CSPP1: variants seen among roughly 807,000 people sequenced by gnomAD.
CSPP1 encodes centrosome and spindle pole associated protein 1.
Under a neutral mutation model 164.4 loss-of-function variants are expected in CSPP1, and 126 were observed. The ratio of observed to expected loss-of-function variants is 0.77; its 90% CI spans 0.66 to 0.89. The LOEUF (loss-of-function observed/expected upper bound fraction) is 0.89. Among genes scored for constraint, CSPP1 ranks in the 40% least tolerant of loss-of-function variants. CSPP1 has a pLI of 0.00. For missense variants in CSPP1, 1,395 were observed against 1,449.8 expected (o/e 0.96, Z 0.61); for synonymous variants, 472 against 476.7 (o/e 0.99, Z 0.13).
At chr8:67,164,805 G>A (rs1361682320) in intron 24 of CSPP1, among the ~76,000 whole-genome samples, 2 of 152,120 alleles carry the variant, frequency 1.3e-5, no homozygotes, top group Non-Finnish European at 2.9e-5. Flanking sequence ...ACAAAATCAC[G>A]TACGGGCTAC....
At chr8:67,136,486 G>A (rs531734341) in intron 16 of CSPP1, among the ~76,000 whole-genome samples, 15 of 149,996 alleles carry the variant, frequency 1.0e-4, no homozygotes, top group Admixed American at 3.3e-4. Flanking sequence ...GGAGAATGGC[G>A]TGAACCCGGG....
chr8:67,081,245 A>G (rs1047390560), intron 3 of CSPP1: 2 of 132,580 alleles, frequency 1.5e-5, no homozygotes, highest in Non-Finnish European at 3.1e-5. Flanking sequence ...TTGTTCGTGT[A>G]AACTATTAGG....
chr8:67,161,873 A>G lies in CSPP1; in HGVS notation c.2601A>G (p.Gln867=). 2.5e-6 allele frequency: 4 copies of G among 1,613,536 alleles called. No homozygotes were observed. The highest frequency in any genetic ancestry group is 3.4e-6 in the Non-Finnish European group (4 of 1,179,592). ...AGAACAAAATTGCAAGCAAACTCCA[A>G]AGACCTCCTTCAGTTGACAGCATCA... ...ALQNKIASKL[Q]RPPSVDSIIR... Residue 867 remains glutamine (Q), a synonymous_variant, in exon 22 of 31, where the codon CAA becomes CAG. Coordinates refer to ENST00000678616, the MANE Select transcript of CSPP1 (RefSeq NM_001382391.1).
intron 1 of CSPP1, among the ~76,000 whole-genome samples, chr8:67,070,774 G>A (rs752650976): frequency 6.6e-6 from 1 of 150,590 alleles, no homozygotes; most frequent in East Asian, 1.9e-4. Context: ...TTGAGATGGG[G>A]TCTTGCTCTG....
In CSPP1 at chr8:67,103,140, A is replaced by G. The variant is rs797045503; in HGVS notation, c.1022+5A>G. 2.6e-6 allele frequency: 4 copies of G among 1,514,632 alleles called. No homozygotes were observed. The highest frequency in any genetic ancestry group is 3.7e-6 in the Non-Finnish European group (4 of 1,090,692). The allele number at this position is 1,514,632 out of a possible 1,614,324, so 93.8% of individuals were successfully genotyped here. Reference sequence around the variant, plus strand: ...TTCATCTGCTGAAAATAAAAGGTACAGTATGTAATATAAATTCTCTGCTTT... The same window carrying G: ...TTCATCTGCTGAAAATAAAAGGTACGGTATGTAATATAAATTCTCTGCTTT... On this transcript the variant is annotated splice_donor_5th_base_variant and intron_variant, in intron 8 of 30. Coordinates refer to ENST00000678616, the MANE Select transcript of CSPP1 (RefSeq NM_001382391.1).
chr8:67,151,747 C>G (rs1266067752), intron 18 of CSPP1, among the ~76,000 whole-genome samples: 1 of 152,020 alleles, frequency 6.6e-6, no homozygotes, highest in African/African-American at 2.4e-5. Flanking sequence ...TTTAAAACTT[C>G]CTTTTTTTTG....
At chr8:67,155,961 G>A (rs1158891406) in intron 19 of CSPP1, among the ~76,000 whole-genome samples, 2 of 152,108 alleles carry the variant, frequency 1.3e-5, no homozygotes, top group Non-Finnish European at 2.9e-5. Flanking sequence ...CCAATATTGT[G>A]CACTCAAGTC....
At chr8:67,182,829 GTTTT>G (rs979324978) in intron 28 of CSPP1, among the ~76,000 whole-genome samples, 7 of 152,102 alleles carry the variant, frequency 4.6e-5, no homozygotes, top group African/African-American at 1.2e-4. Flanking sequence ...TAAAATCAGA[GTTTT>G]TTTGTTATTG....
chr8:67,115,781 CTT>C (rs1817816260), intron 12 of CSPP1, 131 bp from the exon 13 acceptor site: 1 of 603,302 alleles, frequency 1.7e-6, no homozygotes, highest in Non-Finnish European at 2.9e-6. Context: ...TATTCAGAGT[CTT>C]TTATAGCTGT....
intron 21 of CSPP1, among the ~76,000 whole-genome samples, chr8:67,160,032 T>TTTTTTC (rs1827993036): frequency 1.1e-5 from 1 of 88,200 alleles, no homozygotes; most frequent in Non-Finnish European, 2.0e-5. Context: ...TTTTCTTTTC[T>TTTTTTC]TTTTCTTTTT....
At chr8:67,085,965 G>T in intron 3 of CSPP1, 42 bp from the exon 4 acceptor site, 2 of 836,946 alleles carry the variant, frequency 2.4e-6, no homozygotes, top group Admixed American at 3.5e-5. Flanking sequence ...CTTTGAGATT[G>T]GTTTGAAAAT....
intron 5 of CSPP1, among the ~76,000 whole-genome samples, chr8:67,093,204 T>C (rs1259331049): frequency 6.6e-6 from 1 of 152,224 alleles, no homozygotes; most frequent in Non-Finnish European, 1.5e-5. Context: ...GAAAATGTCA[T>C]CTAAGCTCTG....
Position 67,120,350 on chromosome 8 carries a change from C to T in CSPP1, c.1697+1529C>T, listed in dbSNP as rs1228073153. Among the ~76,000 whole-genome samples, 4 of 152,134 alleles carry T rather than the reference C, an allele frequency of 2.6e-5. No individual in the cohort carries two copies. The East Asian group carries it at 7.7e-4, about 29-fold the overall frequency. ...AAAATTGTTTTGGCTATTTTGGATC[C>T]CTGGAGATTCCATATGAATTATGGG... is the stretch of plus-strand genomic sequence containing the variant. On this transcript the variant is annotated intron_variant, in intron 15 of 30. Coordinates refer to ENST00000678616, the MANE Select transcript of CSPP1 (RefSeq NM_001382391.1).
chr8:67,074,276 T>G lies in CSPP1; in HGVS notation c.24T>G (p.Phe8Leu). Residue 8 changes from phenylalanine (F) to leucine (L), a missense_variant, in exon 2 of 31, where the codon TTT becomes TTG. By Grantham distance (22) the Phe-to-Leu change is conservative. Transcript: ENST00000678616. ...AAATGGCTGATAATTTGGATGAATTTATTGAAGAGCAAAAAGCCAGATTGG... is the reference window on the plus strand; with the variant it reads ...AAATGGCTGATAATTTGGATGAATTGATTGAAGAGCAAAAAGCCAGATTGG... The part of the protein sequence containing the change: MADNLDE[F>L]IEEQKARLAE... 6.2e-7 allele frequency: 1 copy of G among 1,611,292 alleles called. No homozygotes were observed. Among genetic ancestry groups the G allele is most frequent in the South Asian group, 1.1e-5 (1 of 90,548 alleles).
intron 24 of CSPP1, among the ~76,000 whole-genome samples, chr8:67,169,600 C>T (rs955501696): frequency 1.2e-4 from 18 of 151,888 alleles, no homozygotes; most frequent in Non-Finnish European, 1.6e-4. Context: ...CCCCCACGCA[C>T]GGCTAATTTT....
intron 28 of CSPP1, 92 bp downstream of exon 28, chr8:67,180,018 G>T (rs878905603): frequency 1.6e-6 from 1 of 614,906 alleles, no homozygotes; most frequent in Non-Finnish European, 2.7e-6. Context: ...TGTTGTACAA[G>T]GTAGTAAAAA....
At position 67,161,823 on chromosome 8, in the gene CSPP1, C is replaced by T. The variant is rs1429055707; in HGVS notation, c.2551C>T (p.Pro851Ser). 1 of 1,611,850 alleles carries T rather than the reference C, an allele frequency of 6.2e-7. No homozygotes were observed. The highest frequency in any genetic ancestry group is 1.7e-5 in the Admixed American group (1 of 59,972). ...IGEETKHMRQ[P>S]SPIVPALQNK... is the part of the protein sequence containing the mutation. ...TTAAATTTTTCAGCACATGAGACAG[C>T]CTTCTCCTATAGTTCCTGCTCTTCA... is the stretch of plus-strand genomic sequence containing the variant. Residue 851 changes from proline to serine, a missense_variant, in exon 22 of 31, where the codon CCT (proline) becomes TCT (serine). Transcript: ENST00000678616.
chr8:67,082,174 A>G (rs964304013), intron 3 of CSPP1, among the ~76,000 whole-genome samples: 5 of 152,062 alleles, frequency 3.3e-5, no homozygotes, highest in African/African-American at 1.2e-4. Flanking sequence ...CAGCCTCCTG[A>G]GTAGCTGAGA....
intron 19 of CSPP1, among the ~76,000 whole-genome samples, chr8:67,156,171 G>C (rs1314781560): frequency 6.6e-6 from 1 of 152,084 alleles, no homozygotes; most frequent in Non-Finnish European, 1.5e-5. Flanking sequence ...TTTACATATA[G>C]TGTCTCATCA....
Sources: allele counts gnomAD v4.1 joint callset (sites outside exome capture counted in the v4.1 genomes callset), GRCh38; gene constraint gnomAD v4.1.1; transcripts MANE v1.5; gene names NCBI Gene and HGNC (gene_info 2026-07-23, HGNC 2026-07-21).